Variants in TRANK1 observed in about 807,000 individuals in gnomAD.
TRANK1 encodes TPR and ankyrin repeat-containing protein 1.
In TRANK1, 198 loss-of-function variants were observed where a neutral mutation model predicts 266.0. That is an observed-to-expected ratio of 0.74 (90% CI 0.66 to 0.84). The LOEUF is 0.84. Ranked by LOEUF, TRANK1 falls within the 40% of genes least tolerant of loss-of-function variation. The pLI, the probability that TRANK1 is intolerant of heterozygous loss-of-function variation, is 0.00. For missense variants in TRANK1, 3,326 were observed against 3,634.6 expected (o/e 0.92, Z 2.18); for synonymous variants, 1,396 against 1,384.1 (o/e 1.01, Z -0.19).
chr3:36,936,839 C>T (rs1004169253), intron 1 of TRANK1, among the ~76,000 whole-genome samples: 2 of 152,204 alleles, frequency 1.3e-5, no homozygotes, highest in African/African-American at 4.8e-5. Flanking sequence ...TGATGGCTCA[C>T]GCCTGTAATC....
At chr3:36,868,050 T>C (rs2079252744) in intron 9 of TRANK1, among the ~76,000 whole-genome samples, 1 of 152,208 alleles carries the variant, frequency 6.6e-6, no homozygotes. Context: ...TTGAATGGAA[T>C]CCTGTGGAGG....
In TRANK1 at chr3:36,855,544, C is replaced by A. The variant is rs769664435; in HGVS notation, c.4178G>T (p.Ser1393Ile). The A allele has an allele frequency of 1.9e-6, 3 of 1,613,842 alleles. No homozygotes were observed. Among genetic ancestry groups the A allele is most frequent in the Middle Eastern group, 1.6e-4 (1 of 6,062 alleles). Residue 1393 changes from serine to isoleucine, a missense_variant, in exon 13 of 24, where the codon AGC becomes ATC. Coordinates refer to ENST00000645898, the MANE Select transcript of TRANK1 (RefSeq NM_001329998.2). Reference sequence around the variant, plus strand: ...GATTTGCTGATACAGACTGAAGAGGCTGTAGATCTCACTCCGGTCTTCCTT... The same window carrying A: ...GATTTGCTGATACAGACTGAAGAGGATGTAGATCTCACTCCGGTCTTCCTT... Reference protein sequence around the residue: ...NFKEDRSEIYSLFSLYQQIRS... With the variant: ...NFKEDRSEIYILFSLYQQIRS...
At chr3:36,931,266 T>C (rs1284878495) in intron 1 of TRANK1, among the ~76,000 whole-genome samples, 1 of 140,978 alleles carries the variant, frequency 7.1e-6, no homozygotes, top group Non-Finnish European at 1.6e-5. Flanking sequence ...AAATATTAAG[T>C]GTTAAAAAAA....
intron 1 of TRANK1, among the ~76,000 whole-genome samples, chr3:36,925,255 C>T (rs992874017): frequency 2.6e-5 from 4 of 152,160 alleles, no homozygotes; most frequent in Admixed American, 2.6e-4. Context: ...CAGCTAGTTA[C>T]ATATTATGGC....
chr3:36,898,634 G>A (rs895815434), intron 4 of TRANK1, among the ~76,000 whole-genome samples: 13 of 152,164 alleles, frequency 8.5e-5, no homozygotes, highest in Admixed American at 3.3e-4. Flanking sequence ...GGCGGATCAC[G>A]AGGTCAAGAG....
chr3:36,891,480 A>T (rs1231683028), intron 7 of TRANK1, among the ~76,000 whole-genome samples: 1 of 152,206 alleles, frequency 6.6e-6, no homozygotes, highest in African/African-American at 2.4e-5. Context: ...GAGATGATAC[A>T]GCCTACAAGA....
chr3:36,882,196 C>T (rs2079541718), intron 8 of TRANK1, among the ~76,000 whole-genome samples: 1 of 152,178 alleles, frequency 6.6e-6, no homozygotes, highest in Non-Finnish European at 1.5e-5. Flanking sequence ...TTCTTACCCA[C>T]CAGCAATGTA....
At chr3:36,907,970 G>A (rs978044188) in intron 2 of TRANK1, among the ~76,000 whole-genome samples, 2 of 152,124 alleles carry the variant, frequency 1.3e-5, no homozygotes, top group African/African-American at 4.8e-5. Flanking sequence ...AGTGCCCGGC[G>A]GGGTGTGCGC....
rs781180688 is a variant in TRANK1, at chr3:36,832,899, C to G, written c.6684G>C (p.Leu2228Phe). Residue 2228 changes from leucine (L) to phenylalanine (F), a missense_variant, in exon 22 of 24, where the codon TTG becomes TTC. By Grantham distance (22) the Leu-to-Phe change is conservative. Transcript: ENST00000645898. Reference protein sequence around the residue: ...AKCLVQSKMNLVAINGLLLEA... With the variant: ...AKCLVQSKMNFVAINGLLLEA... ...CCAAAAGCAACCCGTTGATTGCCAC[C>G]AAGTTCATTTTCGACTGAACTAAAC... 6.2e-7 allele frequency: 1 copy of G among 1,613,776 alleles called. No homozygotes were observed. Among genetic ancestry groups the G allele is most frequent in the South Asian group, 1.1e-5 (1 of 91,064 alleles).
chr3:36,831,616 T>C lies in TRANK1; in HGVS notation c.7967A>G (p.Lys2656Arg). Reference sequence around the variant, plus strand: ...ATAGAGGCCACGGACTATGGACCCTTTGGTGTGCACAGGGTCCCACCGCCA... The same window carrying C: ...ATAGAGGCCACGGACTATGGACCCTCTGGTGTGCACAGGGTCCCACCGCCA... ...CDWRWDPVHT[K>R]GSIVRGLYYE... The change falls in exon 22 of 24, where the codon AAA (lysine) becomes AGA (arginine). Residue 2656 changes from lysine to arginine, a missense_variant. Physicochemically the swap from Lys to Arg is conservative, Grantham distance 26. Transcript: ENST00000645898. This position sits in a 1 kb window ranked among gnomAD's most constrained non-coding sequence, Gnocchi z 5.0. The C allele has an allele frequency of 1.2e-6, 2 of 1,613,872 alleles. No individual in the cohort carries two copies. The highest frequency in any genetic ancestry group is 1.7e-6 in the Non-Finnish European group (2 of 1,179,824).
chr3:36,881,355 G>A (rs537805144), intron 8 of TRANK1, among the ~76,000 whole-genome samples: 1 of 152,226 alleles, frequency 6.6e-6, no homozygotes, highest in Admixed American at 6.5e-5. Flanking sequence ...GGGAGGCTGA[G>A]GCAGAATGGC....
At chr3:36,828,476 A>G in intron 23 of TRANK1, 101 bp from the exon 24 acceptor site, 1 of 828,648 alleles carries the variant, frequency 1.2e-6, no homozygotes, top group South Asian at 1.6e-5. Context: ...GAAGGGAGGA[A>G]GGAAGAAAGG....
In TRANK1 at chr3:36,855,457, G is replaced by C. The variant is rs199834799; in HGVS notation, c.4265C>G (p.Ser1422Trp). Residue 1422 changes from serine to tryptophan, a missense_variant, in exon 13 of 24, where the codon TCG (serine) becomes TGG (tryptophan). Ser to Trp is a radical substitution (Grantham distance 177). Transcript: ENST00000645898. The part of the protein sequence containing the change: ...DVLYNISRRL[S>W]KLRVLPWSIH... ...GGACCATGGGAGCACCCTGAGCTTC[G>C]ACAGCCTCCGGGATATGTTGTACAG... The C allele has an allele frequency of 1.2e-6, 2 of 1,613,892 alleles. No individual in the cohort carries two copies. Among genetic ancestry groups the C allele is most frequent in the South Asian group, 1.1e-5 (1 of 91,064 alleles).
At chr3:36,842,964 G>A (rs967576102) in intron 17 of TRANK1, among the ~76,000 whole-genome samples, 1 of 152,144 alleles carries the variant, frequency 6.6e-6, no homozygotes, top group Non-Finnish European at 1.5e-5. Context: ...AGAACACGGG[G>A]CGACCCCAGG....
chr3:36,932,813 G>C (rs2080377604), intron 1 of TRANK1, among the ~76,000 whole-genome samples: 1 of 152,160 alleles, frequency 6.6e-6, no homozygotes, highest in Non-Finnish European at 1.5e-5. Context: ...TGAACTATGA[G>C]AGAGTACATT....
At chr3:36,900,516 A>T (rs2079859122) in intron 3 of TRANK1, among the ~76,000 whole-genome samples, 1 of 152,170 alleles carries the variant, frequency 6.6e-6, no homozygotes, top group South Asian at 2.1e-4. Flanking sequence ...GAATAAAATG[A>T]TATTGCCTAC....
At chr3:36,863,787 T>C (rs2079176039) in intron 10 of TRANK1, among the ~76,000 whole-genome samples, 1 of 152,200 alleles carries the variant, frequency 6.6e-6, no homozygotes. Flanking sequence ...CTGAGTATTT[T>C]AGGTTTCTCT....
intron 7 of TRANK1, among the ~76,000 whole-genome samples, chr3:36,890,730 T>C (rs1253678844): frequency 6.6e-6 from 1 of 152,192 alleles, no homozygotes; most frequent in Non-Finnish European, 1.5e-5. Context: ...ACTCCTTCCT[T>C]GGAGTTCCTG....
chr3:36,846,980 C>A (rs1342472398), intron 16 of TRANK1, among the ~76,000 whole-genome samples: 1 of 152,046 alleles, frequency 6.6e-6, no homozygotes. Context: ...CTTCTCCTTC[C>A]GTTTTCAGAC....
Sources: allele counts gnomAD v4.1 joint callset (sites outside exome capture counted in the v4.1 genomes callset), GRCh38; gene constraint gnomAD v4.1.1; non-coding constraint Gnocchi (gnomAD v3.1); transcripts MANE v1.5; gene names NCBI Gene and HGNC (gene_info 2026-07-23, HGNC 2026-07-21).